The following RSL24D1 variants were observed in gnomAD, a reference collection of about 807,000 sequenced individuals.
The protein encoded by RSL24D1 is ribosomal L24 domain containing 1.
Under a neutral mutation model 26.2 loss-of-function variants are expected in RSL24D1, and 6 were observed. That is an observed-to-expected ratio of 0.23 (90% CI 0.13 to 0.45). The LOEUF is 0.45. Ranked by LOEUF, RSL24D1 falls within the 20% of genes least tolerant of loss-of-function variation. RSL24D1 has a pLI of 0.99. For synonymous variants in RSL24D1, 61 were observed against 59.1 expected, an observed-to-expected ratio of 1.03 and a Z score of -0.15; for missense variants, 176 against 202.6, an observed-to-expected ratio of 0.87 and a Z score of 0.80.
Position 55,190,868 on chromosome 15 carries a change from T to C in RSL24D1, c.268+107A>G, listed in dbSNP as rs1458727378. ...GGATAAAATAATAAAAGCCAAGGAA[T>C]GATAAATGGAAAATTCAATATTTAA... On this transcript the variant is annotated intron_variant, in intron 3 of 5. Coordinates refer to ENST00000260443, the MANE Select transcript of RSL24D1 (RefSeq NM_016304.3). 12 of 727,908 alleles carry C rather than the reference T, an allele frequency of 1.6e-5. No homozygotes were observed. The African/African-American group carries it at 2.0e-4, about 12-fold the overall frequency. The allele number at this position is 727,908 out of a possible 1,614,324, so 45.1% of individuals were successfully genotyped here. A position where few individuals can be genotyped will look rare whatever the true frequency, so the allele number is the denominator to read the frequency against.
intron 1 of RSL24D1, chr15:55,196,492 C>T (rs1181023740): frequency 1.8e-6 from 1 of 570,022 alleles, no homozygotes; most frequent in Admixed American, 2.2e-5. Flanking sequence ...GAATTTGGCC[C>T]AAGTACATGA....
chr15:55,188,739 C>T (rs1208833291), intron 3 of RSL24D1, among the ~76,000 whole-genome samples: 2 of 152,220 alleles, frequency 1.3e-5, no homozygotes, highest in African/African-American at 2.4e-5. Context: ...ATTCACATAT[C>T]GCTAAAATTG....
Position 55,196,840 on chromosome 15 carries a change from G to T in RSL24D1, c.51C>A (p.His17Gln). 6.2e-7 allele frequency: 1 copy of T among 1,614,182 alleles called. No individual in the cohort carries two copies. The highest frequency in any genetic ancestry group is 8.5e-7 in the Non-Finnish European group (1 of 1,180,026). The stretch of plus-strand genomic sequence containing the variant: ...AATCGTTGCGGACGAACATCATGCC[G>T]TGTCCAGGATAGATGGGCCCCGAAC... ...YFCSGPIYPG[H>Q]GMMFVRNDCK... is the part of the protein sequence containing the mutation. Residue 17 changes from histidine to glutamine, a missense_variant, in exon 1 of 6, where the codon CAC (histidine) becomes CAA (glutamine). Physicochemically the swap from His to Gln is conservative, Grantham distance 24. Transcript: ENST00000260443.
chr15:55,191,171 G>C lies in RSL24D1; in HGVS notation c.196-124C>G, dbSNP rs1385759172. 4 of 649,580 alleles carry C rather than the reference G, an allele frequency of 6.2e-6. No individual in the cohort carries two copies. The East Asian group carries it at 1.2e-4, about 19-fold the overall frequency. The allele number at this position is 649,580 out of a possible 1,614,324, so 40.2% of individuals were successfully genotyped here. ...ACATACACCTAGATTCACCCCTCAG[G>C]GTATCTCAGAGAATATAGGTTTTCA... On this transcript the variant is annotated intron_variant, in intron 2 of 5. Coordinates refer to ENST00000260443, the MANE Select transcript of RSL24D1 (RefSeq NM_016304.3).
chr15:55,186,951 T>C (rs867583389), intron 3 of RSL24D1, among the ~76,000 whole-genome samples: 5 of 152,176 alleles, frequency 3.3e-5, no homozygotes, highest in Non-Finnish European at 5.9e-5. Flanking sequence ...AATGTTAACA[T>C]TCAGGGAGTC....
rs1418530523 is a variant in RSL24D1, at chr15:55,196,358, G to C, written c.81+452C>G. On this transcript the variant is annotated intron_variant, in intron 1 of 5. Coordinates refer to ENST00000260443, the MANE Select transcript of RSL24D1 (RefSeq NM_016304.3). ...CAGGACCCTCCCCAACTCACCTGCA[G>C]TAACTTAATACATAACTCTACCATT... The C allele has an allele frequency of 6.6e-6, 3 of 457,688 alleles. No individual in the cohort carries two copies. In the Admixed American group the frequency reaches 7.0e-5, roughly 11 times the overall value. 28.4% of individuals were successfully genotyped at this position (457,688 alleles called of 1,614,324 possible). A position where few individuals can be genotyped will look rare whatever the true frequency, so the allele number is the denominator to read the frequency against.
In RSL24D1 at chr15:55,190,988, T is replaced by C. The variant is rs1255966294; in HGVS notation, c.255A>G (p.Leu85=). The C allele has an allele frequency of 2.5e-6, 4 of 1,602,358 alleles. No individual in the cohort carries two copies. Among genetic ancestry groups the C allele is most frequent in the South Asian group, 2.2e-5 (2 of 89,208 alleles). The part of the protein sequence containing the change: ...RNEPIKYQRE[L]WNKTIDAMKR... ...TTTGTGACTTACTAGTTTTATTCCA[T>C]AGCTCTCGCTGGTATTTGATAGGTT... Residue 85 remains leucine (L), a synonymous_variant, in exon 3 of 6, where the codon CTA becomes CTG. Coordinates refer to ENST00000260443, the MANE Select transcript of RSL24D1 (RefSeq NM_016304.3).
chr15:55,195,077 G>C (rs902234442), intron 1 of RSL24D1, among the ~76,000 whole-genome samples: 1 of 147,698 alleles, frequency 6.8e-6, no homozygotes, highest in Admixed American at 6.7e-5. Context: ...AGTGGTAAGA[G>C]CCTAATCTGA....
At chr15:55,188,978 G>A (rs1178765195) in intron 3 of RSL24D1, among the ~76,000 whole-genome samples, 1 of 152,168 alleles carries the variant, frequency 6.6e-6, no homozygotes, top group Non-Finnish European at 1.5e-5. Flanking sequence ...GATTGCCTGA[G>A]CTCAGAAGTT....
At chr15:55,183,567 C>G (rs752500884) in intron 4 of RSL24D1, among the ~76,000 whole-genome samples, 167 bp from the exon 5 acceptor site, 1 of 152,116 alleles carries the variant, frequency 6.6e-6, no homozygotes, top group Non-Finnish European at 1.5e-5. Flanking sequence ...CTCCCCACAA[C>G]GCCCCCCATC....
chr15:55,193,971 G>T (rs1475389412), intron 1 of RSL24D1, among the ~76,000 whole-genome samples: 1 of 152,040 alleles, frequency 6.6e-6, no homozygotes, highest in East Asian at 1.9e-4. Context: ...AGTATTTTCA[G>T]CCCAAAATAC....
chr15:55,183,331 G>C lies in RSL24D1; in HGVS notation c.402C>G (p.Ile134Met). 6.2e-7 allele frequency: 1 copy of C among 1,611,476 alleles called. No individual in the cohort carries two copies. Among genetic ancestry groups the C allele is most frequent in the African/African-American group, 1.3e-5 (1 of 74,928 alleles). Residue 134 changes from isoleucine (I) to methionine (M), a missense_variant, in exon 5 of 6, where the codon ATC (isoleucine) becomes ATG (methionine). Physicochemically the swap from Ile to Met is conservative, Grantham distance 10. This residue lies in a region of RSL24D1 where 43 missense variants were observed against 38.7 expected (regional missense o/e 1.11). Coordinates refer to ENST00000260443, the MANE Select transcript of RSL24D1 (RefSeq NM_016304.3). The part of the protein sequence containing the change: ...IKEVKQNIHL[I>M]RAPLAGKGKQ... ...AGTACTCACCTGCAAGAGGGGCTCG[G>C]ATAAGATGGATGTTTTGCTTGACTT...
chr15:55,194,852 C>T (rs937571243), intron 1 of RSL24D1, among the ~76,000 whole-genome samples: 15 of 150,660 alleles, frequency 1.0e-4, no homozygotes, highest in Middle Eastern at 3.2e-3. Flanking sequence ...TTAATCTCCC[C>T]GTCTCTACAA....
chr15:55,188,842 GTAA>G (rs147547855), intron 3 of RSL24D1, among the ~76,000 whole-genome samples: 5,051 of 152,228 alleles, frequency 0.033, 279 homozygotes, highest in African/African-American at 0.12. Context: ...CTGTCTTCAA[GTAA>G]TAATAACAAC....
At position 55,183,413 on chromosome 15, in the gene RSL24D1, A is replaced by G. The variant is rs1389658735; in HGVS notation, c.333-13T>C. 4 of 1,600,938 alleles carry G rather than the reference A, an allele frequency of 2.5e-6. No homozygotes were observed. Among genetic ancestry groups the G allele is most frequent in the Non-Finnish European group, 2.6e-6 (3 of 1,169,662 alleles). On this transcript the variant is annotated splice_polypyrimidine_tract_variant and intron_variant, in intron 4 of 5. Coordinates refer to ENST00000260443, the MANE Select transcript of RSL24D1 (RefSeq NM_016304.3). ...ATTTTTCTTCAATCTACAACAAAACATATTAAAGCCAAAATTTCAGTTACT... is the reference window on the plus strand; with the variant it reads ...ATTTTTCTTCAATCTACAACAAAACGTATTAAAGCCAAAATTTCAGTTACT...
At chr15:55,193,913 A>C (rs1358617592) in intron 1 of RSL24D1, among the ~76,000 whole-genome samples, 2 of 152,216 alleles carry the variant, frequency 1.3e-5, no homozygotes, top group African/African-American at 4.8e-5. Context: ...TGAAATCATA[A>C]ATAAAAAATG....
intron 1 of RSL24D1, chr15:55,196,473 T>C: frequency 1.8e-6 from 1 of 542,160 alleles, no homozygotes; most frequent in Non-Finnish European, 3.5e-6. Flanking sequence ...CAAAGTTTAC[T>C]GGATTCAAGA....
At chr15:55,183,525 G>A (rs1275984634) in intron 4 of RSL24D1, 125 bp from the exon 5 acceptor site, 1 of 665,676 alleles carries the variant, frequency 1.5e-6, no homozygotes, top group African/African-American at 1.8e-5. Flanking sequence ...ATGGAAACAT[G>A]ATGGCTGCCC....
intron 1 of RSL24D1, among the ~76,000 whole-genome samples, chr15:55,193,037 A>G (rs1036416390): frequency 2.0e-4 from 31 of 152,200 alleles, no homozygotes; most frequent in Non-Finnish European, 7.4e-5. Context: ...TGAAAATATT[A>G]TTTTAAATTA....
Sources: allele counts gnomAD v4.1 joint callset (sites outside exome capture counted in the v4.1 genomes callset), GRCh38; gene constraint gnomAD v4.1.1; regional missense constraint gnomAD v4.1.1; transcripts MANE v1.5; gene names NCBI Gene and HGNC (gene_info 2026-07-23, HGNC 2026-07-21).